The following KBTBD3 variants were observed in gnomAD, a reference collection of about 807,000 sequenced individuals.
KBTBD3 encodes the protein kelch repeat and BTB domain containing 3.
A neutral mutation model predicts 49.6 loss-of-function variants in KBTBD3; 38 were observed. The observed-to-expected ratio is 0.77, with a 90% confidence interval of 0.59 to 1.00. The LOEUF is 1.00. Ranked by LOEUF, KBTBD3 falls within the 50% of genes least tolerant of loss-of-function variation. The pLI is 0.00. For missense variants in KBTBD3, 661 were observed against 712.0 expected (o/e 0.93, Z 0.81); for synonymous variants, 214 against 250.4 (o/e 0.85, Z 1.37).
intron 2 of KBTBD3, among the ~76,000 whole-genome samples, chr11:106,061,732 C>T (rs1327268121): frequency 6.6e-6 from 1 of 151,900 alleles, no homozygotes; most frequent in African/African-American, 2.4e-5. Context: ...TCTTCTCAGC[C>T]TCCATAATCA....
chr11:106,057,143 G>C lies in KBTBD3; in HGVS notation c.233+1722C>G, dbSNP rs568517020. Among the ~76,000 whole-genome samples, 149 of 152,244 alleles carry C rather than the reference G, an allele frequency of 9.8e-4. 1 individual carries two copies. Among genetic ancestry groups the C allele is most frequent in the African/African-American group, 3.4e-3 (140 of 41,558 alleles). On this transcript the variant is annotated intron_variant, in intron 3 of 3. Transcript: ENST00000531837. ...AAAGCAAGAGCCCCTACAGGAACAG[G>C]TGTTTAGCAGGAAGTATGTATCAGT...
In KBTBD3 at chr11:106,053,380, C is replaced by G. The variant is rs778326962; in HGVS notation, c.1309G>C (p.Val437Leu). 7 of 1,613,334 alleles carry G rather than the reference C, an allele frequency of 4.3e-6. No individual in the cohort carries two copies. The highest frequency in any genetic ancestry group is 5.9e-6 in the Non-Finnish European group (7 of 1,179,788). The part of the protein sequence containing the change: ...YNPLSKEWIS[V>L]SPLPRGIYYP... ...TATATGCCTCTGGGTAATGGGCTAA[C>G]AGATATCCATTCTTTGGAAAGAGGA... Residue 437 changes from valine (V) to leucine (L), a missense_variant, in exon 4 of 4, where the codon GTT (valine) becomes CTT (leucine). Coordinates refer to ENST00000531837, the MANE Select transcript of KBTBD3 (RefSeq NM_198439.3).
At chr11:106,068,392 A>G (rs1433352555) in intron 2 of KBTBD3, among the ~76,000 whole-genome samples, 1 of 152,180 alleles carries the variant, frequency 6.6e-6, no homozygotes, top group African/African-American at 2.4e-5. Context: ...CTTCTAAATA[A>G]TCCATGGATC....
intron 2 of KBTBD3, among the ~76,000 whole-genome samples, chr11:106,074,446 TCTC>T (rs1448773629): frequency 1.3e-5 from 2 of 152,190 alleles, no homozygotes; most frequent in Non-Finnish European, 2.9e-5. Context: ...CTCACTTCTC[TCTC>T]CTCATCTTAT....
chr11:106,076,465 A>G (rs571314488), intron 2 of KBTBD3, 42 bp downstream of exon 2: 1 of 152,202 alleles, frequency 6.6e-6, no homozygotes, highest in Non-Finnish European at 1.5e-5. Flanking sequence ...CCCATCTTAA[A>G]TAGGACAGAA....
chr11:106,063,658 T>C (rs1432745394), intron 2 of KBTBD3, among the ~76,000 whole-genome samples: 1 of 152,186 alleles, frequency 6.6e-6, no homozygotes, highest in Non-Finnish European at 1.5e-5. Context: ...ATTGGCCGGG[T>C]GCAGTGGCTT....
intron 2 of KBTBD3, among the ~76,000 whole-genome samples, chr11:106,067,216 A>T (rs1860826629): frequency 6.6e-6 from 1 of 152,216 alleles, no homozygotes; most frequent in Non-Finnish European, 1.5e-5. Flanking sequence ...TACAACGGAG[A>T]GCCTAGAATT....
chr11:106,052,732 T>C lies in KBTBD3; in HGVS notation c.*118A>G. ...ACTGTTTATTCATATATGGTGTACA[T>C]ACATAATAACTAAAAGCAGGAATGT... On this transcript the variant is annotated 3_prime_UTR_variant, in exon 4 of 4. Coordinates refer to ENST00000531837, the MANE Select transcript of KBTBD3 (RefSeq NM_198439.3). The C allele has an allele frequency of 2.5e-6, 2 of 786,264 alleles. No homozygotes were observed. Among genetic ancestry groups the C allele is most frequent in the Admixed American group, 2.6e-5 (1 of 38,626 alleles). 48.7% of individuals were successfully genotyped at this position (786,264 alleles called of 1,614,324 possible).
intron 2 of KBTBD3, among the ~76,000 whole-genome samples, chr11:106,065,549 T>C (rs948384752): frequency 6.6e-6 from 1 of 152,166 alleles, no homozygotes; most frequent in Non-Finnish European, 1.5e-5. Context: ...GTCACCTATA[T>C]CATCAAAAGG....
chr11:106,056,645 A>G (rs1275824964), intron 3 of KBTBD3, among the ~76,000 whole-genome samples: 1 of 152,226 alleles, frequency 6.6e-6, no homozygotes, highest in East Asian at 1.9e-4. Flanking sequence ...AAGCAATATA[A>G]TAATTCTATG....
At chr11:106,070,355 A>G (rs190319458) in intron 2 of KBTBD3, among the ~76,000 whole-genome samples, 56 of 152,192 alleles carry the variant, frequency 3.7e-4, no homozygotes, top group African/African-American at 1.3e-3. Flanking sequence ...AACTGAATCT[A>G]ATAAAGAAAT....
At position 106,053,070 on chromosome 11, in the gene KBTBD3, G is replaced by A. The variant is rs763514383; in HGVS notation, c.1619C>T (p.Ala540Val). The change falls in exon 4 of 4, where the codon GCA becomes GTA. Residue 540 changes from alanine (A) to valine (V), a missense_variant. By Grantham distance (64) the Ala-to-Val change is moderately conservative. Coordinates refer to ENST00000531837, the MANE Select transcript of KBTBD3 (RefSeq NM_198439.3). ...TCCAATTGCACCTGCATTAAAGCCT[G>A]CACACTCAAAAGATCCTTCGCCTTT... Reference protein sequence around the residue: ...VWKGEGSFECAGFNAGAIGIE... With the variant: ...VWKGEGSFECVGFNAGAIGIE... 1 of 1,613,650 alleles carries A rather than the reference G, an allele frequency of 6.2e-7. No homozygotes were observed.
intron 3 of KBTBD3, among the ~76,000 whole-genome samples, chr11:106,056,043 T>A (rs1035538551): frequency 2.0e-5 from 3 of 152,204 alleles, no homozygotes; most frequent in Non-Finnish European, 4.4e-5. Context: ...TGACATTCCA[T>A]CTCAGTAATA....
At chr11:106,055,163 CATA>C (rs1860526551) in intron 3 of KBTBD3, among the ~76,000 whole-genome samples, 1 of 152,132 alleles carries the variant, frequency 6.6e-6, no homozygotes, top group African/African-American at 2.4e-5. Flanking sequence ...GAAAGTTCTT[CATA>C]ATAAGTTTTG....
rs542824977 is a variant in KBTBD3 at position 106,053,630 on chromosome 11, T to C, written c.1059A>G (p.Lys353=). Residue 353 remains lysine, a synonymous_variant, in exon 4 of 4, where the codon AAA becomes AAG. Transcript: ENST00000531837. ...TATGCAGTCGAACCGTTCGACAACA[T>C]TTCCCTTTGCAACCACCTGTCAAGA... ...KIFLTGGCKG[K]CCRTVRLHIA... The C allele has an allele frequency of 6.8e-5, 109 of 1,613,926 alleles. No homozygotes were observed. The highest frequency in any genetic ancestry group is 1.6e-4 in the Middle Eastern group (1 of 6,062).
chr11:106,072,121 G>C (rs1441072702), intron 2 of KBTBD3, among the ~76,000 whole-genome samples: 1 of 152,114 alleles, frequency 6.6e-6, no homozygotes, highest in Non-Finnish European at 1.5e-5. Flanking sequence ...TATTAAATTT[G>C]AAGAATGGAT....
chr11:106,070,560 AT>A (rs1307617578), intron 2 of KBTBD3, among the ~76,000 whole-genome samples: 5 of 152,132 alleles, frequency 3.3e-5, no homozygotes, highest in Non-Finnish European at 2.9e-5. Context: ...CTAACCATCT[AT>A]CAAAATAGCT....
At chr11:106,056,531 A>G (rs775204042) in intron 3 of KBTBD3, among the ~76,000 whole-genome samples, 3 of 152,212 alleles carry the variant, frequency 2.0e-5, no homozygotes, top group Non-Finnish European at 2.9e-5. Context: ...TTCACACCAG[A>G]TTATTTATAT....
intron 2 of KBTBD3, among the ~76,000 whole-genome samples, chr11:106,061,497 TGA>T (rs1313691319): frequency 6.6e-6 from 1 of 152,196 alleles, no homozygotes; most frequent in African/African-American, 2.4e-5. Context: ...GGTATGTCTG[TGA>T]GAGTGTTCTA....
Sources: gnomAD v4.1 joint callset for allele counts (sites outside exome capture counted in the v4.1 genomes callset) on GRCh38, gnomAD v4.1.1 for gene constraint, MANE v1.5 for transcripts, NCBI Gene and HGNC (gene_info 2026-07-23, HGNC 2026-07-21) for gene names.